NAALADL2: variants seen among roughly 807,000 people sequenced by gnomAD.
NAALADL2 encodes inactive N-acetylated-alpha-linked acidic dipeptidase-like protein 2.
NAALADL2 carries 76 observed loss-of-function variants against 87.2 expected under a neutral mutation model. The observed-to-expected ratio is 0.87, with a 90% CI of 0.72 to 1.05. NAALADL2 has a LOEUF of 1.05. Among genes scored for constraint, NAALADL2 ranks in the 50% least tolerant of loss-of-function variants. The pLI is 0.00. For missense variants in NAALADL2, 1,089 were observed against 945.8 expected (o/e 1.15, Z -1.99); for synonymous variants, 354 against 331.0 (o/e 1.07, Z -0.75).
intron 5 of NAALADL2, among the ~76,000 whole-genome samples, chr3:175,400,679 G>A (rs912091923): frequency 6.6e-6 from 1 of 152,178 alleles, no homozygotes; most frequent in South Asian, 2.1e-4. Context: ...CTTAAAATAG[G>A]TTTAAAGAAA....
At chr3:175,405,155 A>G (rs1384813177) in intron 5 of NAALADL2, among the ~76,000 whole-genome samples, 1 of 152,186 alleles carries the variant, frequency 6.6e-6, no homozygotes, top group Non-Finnish European at 1.5e-5. Context: ...AGTGTTCTTC[A>G]AGATTTAAAA....
intron 2 of NAALADL2, among the ~76,000 whole-genome samples, chr3:175,116,110 A>T (rs1580532245): frequency 6.6e-6 from 1 of 152,082 alleles, no homozygotes; most frequent in Non-Finnish European, 1.5e-5. Flanking sequence ...GTTATGACAA[A>T]CCCACAGCCA....
chr3:175,457,818 AT>A (rs1722543440), intron 6 of NAALADL2, among the ~76,000 whole-genome samples: 1 of 149,940 alleles, frequency 6.7e-6, no homozygotes, highest in Non-Finnish European at 1.5e-5. Context: ...CTGTAATTTT[AT>A]CATCTTTACA....
intron 2 of NAALADL2, among the ~76,000 whole-genome samples, chr3:175,145,661 T>C (rs1326767816): frequency 6.6e-6 from 1 of 150,804 alleles, no homozygotes; most frequent in Admixed American, 6.7e-5. Flanking sequence ...AATTTTGTAT[T>C]ACTGTCTTGA....
chr3:174,766,316 C>T (rs1222116558), intron 3 of NAALADL2, among the ~76,000 whole-genome samples: 2 of 152,196 alleles, frequency 1.3e-5, no homozygotes, highest in Non-Finnish European at 2.9e-5. Flanking sequence ...TTGAAGTAGT[C>T]ATTTTAATGT....
chr3:174,588,586 C>G (rs984203461), intron 2 of NAALADL2, among the ~76,000 whole-genome samples: 1 of 152,144 alleles, frequency 6.6e-6, no homozygotes, highest in Non-Finnish European at 1.5e-5. Flanking sequence ...TGTTAGTTTT[C>G]CTTCTAACTG....
chr3:175,441,671 T>TCA (rs57990259), intron 5 of NAALADL2, among the ~76,000 whole-genome samples: 1,681 of 148,724 alleles, frequency 0.011, 24 homozygotes, highest in African/African-American at 0.033. Flanking sequence ...GATCTCATGT[T>TCA]CACACACACA....
chr3:175,292,762 C>T (rs752142003), intron 4 of NAALADL2, among the ~76,000 whole-genome samples: 12 of 151,960 alleles, frequency 7.9e-5, no homozygotes, highest in Admixed American at 1.3e-4. Context: ...AACGTCCGGG[C>T]GCGGGTGGCT....
At chr3:175,654,327 C>T (rs2149795051) in intron 11 of NAALADL2, among the ~76,000 whole-genome samples, 2 of 152,268 alleles carry the variant, frequency 1.3e-5, no homozygotes, top group South Asian at 4.1e-4. Flanking sequence ...TCTTGATTTT[C>T]TTGATGGCAT....
chr3:175,537,978 G>C (rs1711563019), intron 9 of NAALADL2, among the ~76,000 whole-genome samples: 1 of 152,112 alleles, frequency 6.6e-6, no homozygotes, highest in Non-Finnish European at 1.5e-5. Flanking sequence ...AACTGGCAAG[G>C]ATAATGTGTC....
intron 2 of NAALADL2, among the ~76,000 whole-genome samples, chr3:175,151,635 A>AAACC (rs1444382148): frequency 6.6e-6 from 1 of 152,058 alleles, no homozygotes; most frequent in Non-Finnish European, 1.5e-5. Flanking sequence ...ACAAACAAAC[A>AAACC]AACAACAACA....
intron 1 of NAALADL2, among the ~76,000 whole-genome samples, chr3:175,030,401 A>G (rs1362839873): frequency 6.6e-6 from 1 of 152,060 alleles, no homozygotes; most frequent in Admixed American, 6.6e-5. Context: ...ATTCCTGTAA[A>G]TGCATTTTAC....
intron 10 of NAALADL2, among the ~76,000 whole-genome samples, chr3:175,623,382 A>T (rs182393675): frequency 1.6e-3 from 247 of 149,996 alleles, no homozygotes; most frequent in African/African-American, 5.9e-3. Flanking sequence ...TCTGAACTGG[A>T]ATTAAAATCT....
chr3:174,493,938 C>T (rs1050506277), intron 1 of NAALADL2, among the ~76,000 whole-genome samples: 27 of 152,084 alleles, frequency 1.8e-4, no homozygotes, highest in African/African-American at 5.3e-4. Flanking sequence ...CAAGGTGTGC[C>T]GGATTAGAGA....
At chr3:175,162,123 A>G (rs1266292491) in intron 2 of NAALADL2, among the ~76,000 whole-genome samples, 1 of 152,160 alleles carries the variant, frequency 6.6e-6, no homozygotes, top group Non-Finnish European at 1.5e-5. Flanking sequence ...ATCTTCAAAC[A>G]GATTTGGTGT....
chr3:174,734,510 T>C (rs569799319), intron 2 of NAALADL2, among the ~76,000 whole-genome samples: 6 of 152,258 alleles, frequency 3.9e-5, no homozygotes, highest in African/African-American at 1.2e-4. Flanking sequence ...GTCAGGTTCT[T>C]ACATGGCAGA....
At chr3:174,516,997 T>C (rs1189032914) in intron 1 of NAALADL2, among the ~76,000 whole-genome samples, 1 of 152,018 alleles carries the variant, frequency 6.6e-6, no homozygotes, top group East Asian at 1.9e-4. Context: ...TATTTTAAAA[T>C]GTAATATTAG....
At chr3:175,018,412 C>T (rs1751132718) in intron 1 of NAALADL2, among the ~76,000 whole-genome samples, 1 of 151,904 alleles carries the variant, frequency 6.6e-6, no homozygotes, top group Non-Finnish European at 1.5e-5. Flanking sequence ...TTATATATGT[C>T]CAGAAATCTG....
intron 2 of NAALADL2, among the ~76,000 whole-genome samples, chr3:175,208,183 C>A (rs1741225517): frequency 6.6e-6 from 1 of 152,022 alleles, no homozygotes; most frequent in South Asian, 2.1e-4. Context: ...TTGATCCTAC[C>A]GTTACTTATT....
Sources: allele counts gnomAD v4.1 joint callset (sites outside exome capture counted in the v4.1 genomes callset), GRCh38; gene constraint gnomAD v4.1.1; transcripts MANE v1.5; gene names NCBI Gene and HGNC (gene_info 2026-07-23, HGNC 2026-07-21).